The following PHLDB1 variants were observed in gnomAD, a reference collection of about 807,000 sequenced individuals.
The protein encoded by PHLDB1 is pleckstrin homology like domain family B member 1.
Under a neutral mutation model 139.3 loss-of-function variants are expected in PHLDB1, and 65 were observed. The observed-to-expected ratio is 0.47, with a 90% CI of 0.38 to 0.57. The LOEUF (loss-of-function observed/expected upper bound fraction) is 0.57, where lower values mean the gene tolerates loss of function less well. Ranked by LOEUF, PHLDB1 falls within the 20% of genes least tolerant of loss-of-function variation. The pLI is 0.00. For missense variants in PHLDB1, 1,624 were observed against 1,839.7 expected, an observed-to-expected ratio of 0.88 and a Z score of 2.14; for synonymous variants, 679 against 734.5, an observed-to-expected ratio of 0.92 and a Z score of 1.22.
chr11:118,639,191 G>A lies in PHLDB1; in HGVS notation c.2676G>A (p.Arg892=). The part of the protein sequence containing the change: ...KEKEKLTVLE[R]RYHSLTGGRP... Reference sequence around the variant, plus strand: ...AGGAGAAGCTGACTGTGCTGGAAAGGAGATACCACTCACTCACAGGGGGCA... The same window carrying A: ...AGGAGAAGCTGACTGTGCTGGAAAGAAGATACCACTCACTCACAGGGGGCA... The change falls in exon 12 of 23, where the codon AGG becomes AGA. Residue 892 remains arginine (R), a synonymous_variant. Transcript: ENST00000600882. The A allele has an allele frequency of 6.2e-7, 1 of 1,614,142 alleles. No homozygotes were observed. The highest frequency in any genetic ancestry group is 8.5e-7 in the Non-Finnish European group (1 of 1,180,000).
At chr11:118,629,946 C>T (rs1944502389) in intron 6 of PHLDB1, 2 of 1,233,076 alleles carry the variant, frequency 1.6e-6, no homozygotes, top group East Asian at 5.6e-5. Context: ...GCCCCTCCCA[C>T]CTCAACCAGG....
In PHLDB1 at chr11:118,628,622, G is replaced by A. The variant is rs1299551920; in HGVS notation, c.1799G>A (p.Arg600Gln). Residue 600 changes from arginine to glutamine, a missense_variant, in exon 6 of 23, where the codon CGG becomes CAG. Physicochemically the swap from Arg to Gln is conservative, Grantham distance 43 (BLOSUM62 1). Coordinates refer to ENST00000600882, the MANE Select transcript of PHLDB1 (RefSeq NM_001144758.3). ...LEYHRRQRQE[R>Q]LREQEMERLE... ...TACCACCGGCGACAGCGCCAAGAGC[G>A]GCTCCGGGAGCAGGAGATGGAGAGG... 1 of 1,610,228 alleles carries A rather than the reference G, an allele frequency of 6.2e-7. No homozygotes were observed.
chr11:118,630,122 T>C (rs1944553783), intron 6 of PHLDB1: 1 of 1,211,998 alleles, frequency 8.3e-7, no homozygotes, highest in Non-Finnish European at 1.1e-6. Context: ...TCTCTCCACT[T>C]CCTGCGGTTT....
rs1420283559 is a variant in PHLDB1, at chr11:118,608,176, G to T, written c.-22+477G>T. Among the ~76,000 whole-genome samples the T allele has an allele frequency of 6.6e-6, 1 of 152,112 alleles. No homozygotes were observed. Among genetic ancestry groups the T allele is most frequent in the East Asian group, 1.9e-4 (1 of 5,156 alleles). ...CTCCCCGCCTGTCCCCAGGCCGGCC[G>T]CCTTGATGGACCAGGAAGGGATTCG... On this transcript the variant is annotated intron_variant, in intron 1 of 22. Coordinates refer to ENST00000600882, the MANE Select transcript of PHLDB1 (RefSeq NM_001144758.3). The surrounding 1 kb of genome is among the most constrained non-coding windows in gnomAD (Gnocchi z 6.7).
At chr11:118,635,240 A>G in intron 9 of PHLDB1, 153 bp from the exon 10 acceptor site, 1 of 906,278 alleles carries the variant, frequency 1.1e-6, no homozygotes, top group Non-Finnish European at 1.7e-6. Context: ...CAAAAGGGCA[A>G]GGCCAAGTAC....
At chr11:118,652,944 C>T (rs1948546933) in intron 20 of PHLDB1, 1 of 152,448 alleles carries the variant, frequency 6.6e-6, no homozygotes, top group Admixed American at 6.5e-5. Flanking sequence ...AAGGAGCAGA[C>T]ATTCACAAGC....
chr11:118,655,649 A>G lies in PHLDB1; in HGVS notation c.3919A>G (p.Ile1307Val). ...GAAGGGAGTCATCTATTTCCAGGCCATTGAGGAAGTGTACTACGACCACCT... is the reference window on the plus strand; with the variant it reads ...GAAGGGAGTCATCTATTTCCAGGCCGTTGAGGAAGTGTACTACGACCACCT... ...KLKGVIYFQAIEEVYYDHLRS... is the reference protein window; with the variant it reads ...KLKGVIYFQAVEEVYYDHLRS... Residue 1307 changes from isoleucine to valine, a missense_variant, in exon 21 of 23, where the codon ATT (isoleucine) becomes GTT (valine). Ile to Val is a conservative substitution (Grantham distance 29). Coordinates refer to ENST00000600882, the MANE Select transcript of PHLDB1 (RefSeq NM_001144758.3). 3.1e-6 allele frequency: 5 copies of G among 1,613,664 alleles called. No homozygotes were observed. The highest frequency in any genetic ancestry group is 4.2e-6 in the Non-Finnish European group (5 of 1,179,714).
rs1434021901 is a variant in PHLDB1 at position 118,632,537 on chromosome 11, C to A, written c.2379+241C>A. ...CTCTGTCTGGGTCTGTGTGCTACCT[C>A]TGGGTGCCTGCCATCCTAGGCCCTT... On this transcript the variant is annotated intron_variant, in intron 9 of 22. Coordinates refer to ENST00000600882, the MANE Select transcript of PHLDB1 (RefSeq NM_001144758.3). The surrounding 1 kb of genome is among the most constrained non-coding windows in gnomAD (Gnocchi z 5.9). The A allele has an allele frequency of 1.1e-5, 6 of 560,602 alleles. No homozygotes were observed. The highest frequency in any genetic ancestry group is 6.2e-5 in the Admixed American group (2 of 32,298). The allele number at this position is 560,602 out of a possible 1,614,324, so 34.7% of individuals were successfully genotyped here.
intron 10 of PHLDB1, chr11:118,637,310 T>C (rs1367744163): frequency 6.6e-6 from 1 of 152,248 alleles, no homozygotes; most frequent in Non-Finnish European, 1.5e-5. Context: ...ATGGCAGCTC[T>C]TGCGGTGAGG....
chr11:118,643,927 G>A lies in PHLDB1; in HGVS notation c.3005G>A (p.Ser1002Asn). 1.2e-6 allele frequency: 2 copies of A among 1,601,238 alleles called. No individual in the cohort carries two copies. Among genetic ancestry groups the A allele is most frequent in the African/African-American group, 1.3e-5 (1 of 74,808 alleles). Residue 1002 changes from serine (S) to asparagine (N), a missense_variant, in exon 14 of 23, where the codon AGC becomes AAC. Coordinates refer to ENST00000600882, the MANE Select transcript of PHLDB1 (RefSeq NM_001144758.3). Reference protein sequence around the residue: ...SQLSVATLGRSPSPKSALLTQ... With the variant: ...SQLSVATLGRNPSPKSALLTQ... ...CTCAGCGTGGCTACCCTGGGGCGTA[G>A]CCCCTCCCCAAAGGTCTGAGGACAG...
chr11:118,637,271 G>A (rs1945797981), intron 10 of PHLDB1: 1 of 152,216 alleles, frequency 6.6e-6, no homozygotes, highest in African/African-American at 2.4e-5. Context: ...ATTTAGCAGA[G>A]TTCCTGGCTC....
intron 1 of PHLDB1, 193 bp from the exon 2 acceptor site, chr11:118,613,623 C>T (rs1555085838): frequency 1.7e-6 from 1 of 601,270 alleles, no homozygotes; most frequent in African/African-American, 1.9e-5. Flanking sequence ...CTGTGGCTGG[C>T]TGGAGACTTG....
At chr11:118,612,024 A>AATC (rs58729166) in intron 1 of PHLDB1, among the ~76,000 whole-genome samples, 52,951 of 148,818 alleles carry the variant, frequency 0.36, 9,635 homozygotes, top group East Asian at 0.48. Flanking sequence ...AGAGCCATGC[A>AATC]ATCATCACAA....
At chr11:118,618,476 G>T (rs1226400281) in intron 4 of PHLDB1, among the ~76,000 whole-genome samples, 1 of 152,128 alleles carries the variant, frequency 6.6e-6, no homozygotes, top group Admixed American at 6.5e-5. Context: ...CTGTGTGTCT[G>T]TGTAACCGGA....
Position 118,620,483 on chromosome 11 carries a change from A to C in PHLDB1, c.355+4272A>C, listed in dbSNP as rs1437422296. 6.6e-6 allele frequency among the ~76,000 whole-genome samples: 1 copy of C among 152,010 alleles called. No individual in the cohort carries two copies. Among genetic ancestry groups the C allele is most frequent in the Non-Finnish European group, 1.5e-5 (1 of 68,006 alleles). ...CTCCAGCCTGGGCAACAAGAATGAA[A>C]CTCCATCTCAAAAAAACAGAACAAA... On this transcript the variant is annotated intron_variant, in intron 4 of 22. Coordinates refer to ENST00000600882, the MANE Select transcript of PHLDB1 (RefSeq NM_001144758.3). This position sits in a 1 kb window ranked among gnomAD's most constrained non-coding sequence, Gnocchi z 4.1.
chr11:118,621,437 A>G (rs1352547579), intron 4 of PHLDB1: 1 of 152,108 alleles, frequency 6.6e-6, no homozygotes, highest in African/African-American at 2.4e-5. Context: ...TAGAGCCGGC[A>G]GCTCGGGAGG....
chr11:118,627,581 C>T lies in PHLDB1; in HGVS notation c.758C>T (p.Pro253Leu). The stretch of plus-strand genomic sequence containing the variant: ...GGCTCCAGCTATGAGAACACCTCTC[C>T]AGCCTTCTCTCCACTCTCTTCACCA... ...SVGSSYENTSPAFSPLSSPAS... is the reference protein window; with the variant it reads ...SVGSSYENTSLAFSPLSSPAS... Residue 253 changes from proline to leucine, a missense_variant, in exon 6 of 23, where the codon CCA becomes CTA. By Grantham distance (98) the Pro-to-Leu change is moderately conservative. Coordinates refer to ENST00000600882, the MANE Select transcript of PHLDB1 (RefSeq NM_001144758.3). 6.2e-7 allele frequency: 1 copy of T among 1,614,030 alleles called. No homozygotes were observed. Among genetic ancestry groups the T allele is most frequent in the Non-Finnish European group, 8.5e-7 (1 of 1,180,036 alleles).
chr11:118,613,287 C>G, intron 1 of PHLDB1: 1 of 985,270 alleles, frequency 1.0e-6, no homozygotes, highest in Non-Finnish European at 1.2e-6. Flanking sequence ...TTTGTGTCTC[C>G]TTTAAGAAAA....
chr11:118,650,572 G>A lies in PHLDB1; in HGVS notation c.3874+25G>A, dbSNP rs1555135706. 1.3e-6 allele frequency: 2 copies of A among 1,520,138 alleles called. No homozygotes were observed. The highest frequency in any genetic ancestry group is 1.8e-4 in the Middle Eastern group (1 of 5,686). 94.2% of individuals were successfully genotyped at this position (1,520,138 alleles called of 1,614,324 possible). A position where few individuals can be genotyped will look rare whatever the true frequency, so the allele number is the denominator to read the frequency against. On this transcript the variant is annotated intron_variant, in intron 20 of 22. Transcript: ENST00000600882. This position sits in a 1 kb window ranked among gnomAD's most constrained non-coding sequence, Gnocchi z 4.7. Reference sequence around the variant, plus strand: ...GGTGAGTTCCCACAAGGCCACCCTGGGGGCCAGCCAGGATCCCTGGGCTCT... The same window carrying A: ...GGTGAGTTCCCACAAGGCCACCCTGAGGGCCAGCCAGGATCCCTGGGCTCT...
Sources: gnomAD v4.1 joint callset for allele counts (sites outside exome capture counted in the v4.1 genomes callset) on GRCh38, gnomAD v4.1.1 for gene constraint, Gnocchi (gnomAD v3.1) non-coding constraint, MANE v1.5 for transcripts, NCBI Gene and HGNC (gene_info 2026-07-23, HGNC 2026-07-21) for gene names.